Variants in TCF7L2 observed in about 807,000 individuals in gnomAD.
TCF7L2 encodes transcription factor 7-like 2.
Under a neutral mutation model 77.9 loss-of-function variants are expected in TCF7L2, and 23 were observed. The observed-to-expected ratio is 0.30, with a 90% CI of 0.21 to 0.42. The LOEUF is 0.42. TCF7L2 is among the 10% of genes least tolerant of loss of function. TCF7L2 has a pLI of 1.00. For synonymous variants in TCF7L2, 413 were observed against 340.2 expected (o/e 1.21, Z -2.36); for missense variants, 654 against 793.1 (o/e 0.82, Z 2.11).
intron 11 of TCF7L2, among the ~76,000 whole-genome samples, 184 bp downstream of exon 11, chr10:113,152,624 T>C (rs1291185132): frequency 6.6e-6 from 1 of 152,094 alleles, no homozygotes. Context: ...CCCGTGTGGA[T>C]GGTTGGATCA....
chr10:113,019,751 G>A (rs1590552016), intron 4 of TCF7L2, among the ~76,000 whole-genome samples: 1 of 151,710 alleles, frequency 6.6e-6, no homozygotes, highest in Non-Finnish European at 1.5e-5. Context: ...GAGTGTTTTG[G>A]ATATATTGAT....
intron 5 of TCF7L2, among the ~76,000 whole-genome samples, chr10:113,104,879 C>G (rs1415240659): frequency 6.6e-6 from 1 of 152,132 alleles, no homozygotes; most frequent in Admixed American, 6.5e-5. Context: ...AACAGTTCCT[C>G]GAAGTCATGG....
intron 5 of TCF7L2, among the ~76,000 whole-genome samples, chr10:113,086,795 G>T (rs2059887164): frequency 6.6e-6 from 1 of 151,296 alleles, no homozygotes; most frequent in African/African-American, 2.4e-5. Context: ...ATTTTCTCAT[G>T]ATATAAAAAG....
intron 5 of TCF7L2, among the ~76,000 whole-genome samples, chr10:113,074,018 G>T (rs954945470): frequency 2.0e-5 from 3 of 152,190 alleles, no homozygotes; most frequent in Non-Finnish European, 2.9e-5. Flanking sequence ...TGACTCTGGT[G>T]TCGGCCGCTG....
At chr10:112,962,563 A>G (rs537227582) in intron 3 of TCF7L2, among the ~76,000 whole-genome samples, 1 of 152,234 alleles carries the variant, frequency 6.6e-6, no homozygotes, top group African/African-American at 2.4e-5. Context: ...GTGCAAAGTC[A>G]TCTTTGTTTT....
At chr10:113,065,585 C>T (rs1208216367) in intron 5 of TCF7L2, among the ~76,000 whole-genome samples, 1 of 152,122 alleles carries the variant, frequency 6.6e-6, no homozygotes, top group Non-Finnish European at 1.5e-5. Flanking sequence ...TGTTAAGAAT[C>T]GGGATAACTG....
intron 5 of TCF7L2, among the ~76,000 whole-genome samples, chr10:113,069,115 C>A (rs1041811622): frequency 6.6e-6 from 1 of 151,550 alleles, no homozygotes; most frequent in Non-Finnish European, 1.5e-5. Context: ...CAGGGCTGGC[C>A]GTCTCTTGGA....
intron 5 of TCF7L2, chr10:113,129,442 C>T: frequency 9.9e-7 from 1 of 1,008,448 alleles, no homozygotes; most frequent in Non-Finnish European, 1.2e-6. Flanking sequence ...CTTCCCCCTT[C>T]CTTCACGGAT....
At chr10:113,010,110 G>A (rs1218208469) in intron 4 of TCF7L2, among the ~76,000 whole-genome samples, 3 of 152,014 alleles carry the variant, frequency 2.0e-5, no homozygotes, top group South Asian at 2.1e-4. Context: ...GAGTTTTCCT[G>A]CAATGTCCTA....
intron 5 of TCF7L2, among the ~76,000 whole-genome samples, chr10:113,062,611 G>C (rs2056643048): frequency 6.6e-6 from 1 of 152,024 alleles, no homozygotes; most frequent in Admixed American, 6.5e-5. Flanking sequence ...TGGCAGGTGA[G>C]AATATAAACA....
chr10:113,122,928 CA>C (rs2065024067), intron 5 of TCF7L2, among the ~76,000 whole-genome samples: 1 of 152,066 alleles, frequency 6.6e-6, no homozygotes, highest in Non-Finnish European at 1.5e-5. Flanking sequence ...TTAATTTTGC[CA>C]TTATAAAAAT....
intron 5 of TCF7L2, among the ~76,000 whole-genome samples, chr10:113,067,909 A>G (rs531019564): frequency 6.6e-6 from 1 of 152,228 alleles, no homozygotes; most frequent in South Asian, 2.1e-4. Flanking sequence ...GGAAAAGAAG[A>G]TAAGTAGACA....
At chr10:113,107,533 G>C (rs138591047) in intron 5 of TCF7L2, among the ~76,000 whole-genome samples, 3,409 of 151,548 alleles carry the variant, frequency 0.022, 125 homozygotes, top group African/African-American at 0.078. Flanking sequence ...CACGAGGTCA[G>C]GAAATCGAGA....
chr10:113,084,723 G>T (rs2059647227), intron 5 of TCF7L2, among the ~76,000 whole-genome samples: 1 of 151,790 alleles, frequency 6.6e-6, no homozygotes, highest in South Asian at 2.1e-4. Flanking sequence ...GGTGAAACCC[G>T]GTCTCTACCA....
intron 3 of TCF7L2, among the ~76,000 whole-genome samples, chr10:112,956,222 A>G (rs996765541): frequency 6.6e-6 from 1 of 152,072 alleles, no homozygotes; most frequent in Admixed American, 6.5e-5. Flanking sequence ...GTTATGTGGA[A>G]GTTGGTTTAT....
intron 5 of TCF7L2, among the ~76,000 whole-genome samples, chr10:113,073,503 C>CAAAA (rs35730806): frequency 3.4e-4 from 15 of 43,958 alleles, no homozygotes; most frequent in Non-Finnish European, 4.3e-4. Context: ...CGGTCTCTAC[C>CAAAA]AAAAAAAAAA....
intron 4 of TCF7L2, among the ~76,000 whole-genome samples, chr10:113,000,139 C>T (rs530007405): frequency 6.6e-6 from 1 of 152,176 alleles, no homozygotes; most frequent in South Asian, 2.1e-4. Flanking sequence ...TTTGTGGGAC[C>T]GAATAATGCA....
intron 5 of TCF7L2, among the ~76,000 whole-genome samples, chr10:113,066,767 C>T (rs1200516313): frequency 6.6e-6 from 1 of 152,220 alleles, no homozygotes; most frequent in African/African-American, 2.4e-5. Flanking sequence ...CATGAAGATT[C>T]TGCATATCTG....
chr10:112,954,622 A>G (rs1393814097), intron 3 of TCF7L2, among the ~76,000 whole-genome samples: 1 of 152,248 alleles, frequency 6.6e-6, no homozygotes, highest in Non-Finnish European at 1.5e-5. Flanking sequence ...TAGAACTGCA[A>G]ATATTAGAAC....
Sources: allele counts gnomAD v4.1 joint callset (sites outside exome capture counted in the v4.1 genomes callset), GRCh38; gene constraint gnomAD v4.1.1; transcripts MANE v1.5; gene names NCBI Gene and HGNC (gene_info 2026-07-23, HGNC 2026-07-21).